The following DDA1 variants were observed in gnomAD, a reference collection of about 807,000 sequenced individuals.
DDA1 encodes the protein DET1 and DDB1 associated 1.
In DDA1, 3 loss-of-function variants were observed where a neutral mutation model predicts 18.6. That is an observed-to-expected ratio of 0.16 (90% CI 0.07 to 0.42). DDA1 has a LOEUF of 0.42. Among genes scored for constraint, DDA1 ranks in the 10% least tolerant of loss-of-function variants. The probability of loss-of-function intolerance (pLI) is 0.99; values close to 1 mark genes in which losing one functional copy is unlikely to be tolerated. For synonymous variants in DDA1, 52 were observed against 54.0 expected (o/e 0.96, Z 0.17); for missense variants, 105 against 138.2 (o/e 0.76, Z 1.20).
rs920060183 is a variant in DDA1 at position 17,318,665 on chromosome 19, C to T, written c.199-881C>T. 6.6e-4 allele frequency among the ~76,000 whole-genome samples: 100 copies of T among 151,332 alleles called. 1 individual carries two copies. The highest frequency in any genetic ancestry group is 1.8e-4 in the Non-Finnish European group (12 of 67,840). On this transcript the variant is annotated intron_variant, in intron 4 of 4. Coordinates refer to ENST00000359866, the MANE Select transcript of DDA1 (RefSeq NM_024050.6). ...TACAGGTGTGAGCCACCGCGCCTGGCCTTCTTTTTTTTTTTGGAGACGGAG... is the reference window on the plus strand; with the variant it reads ...TACAGGTGTGAGCCACCGCGCCTGGTCTTCTTTTTTTTTTTGGAGACGGAG...
In DDA1 at chr19:17,309,600, G is replaced by T. The variant is rs1040379604; in HGVS notation, c.-55G>T. ...GGCGGCGGCTAAGAAGGCGGCTCTG[G>T]TGGCGGCGGTGGAGGCTGAGGCGGC... On this transcript the variant is annotated 5_prime_UTR_variant, in exon 1 of 5. Coordinates refer to ENST00000359866, the MANE Select transcript of DDA1 (RefSeq NM_024050.6). 2 of 1,595,508 alleles carry T rather than the reference G, an allele frequency of 1.3e-6. No homozygotes were observed. The highest frequency in any genetic ancestry group is 2.2e-5 in the South Asian group (2 of 90,464).
intron 4 of DDA1, among the ~76,000 whole-genome samples, chr19:17,319,326 A>T (rs2145678471): frequency 6.6e-6 from 1 of 152,314 alleles, no homozygotes; most frequent in East Asian, 1.9e-4. Flanking sequence ...GGCTGGCATT[A>T]TGACTCTGGG....
chr19:17,316,071 A>C, intron 4 of DDA1, 76 bp downstream of exon 4: 4 of 1,511,162 alleles, frequency 2.6e-6, no homozygotes, highest in Non-Finnish European at 3.7e-6. Context: ...TTCTGAGCAC[A>C]GGAAGGACTC....
chr19:17,312,369 C>T (rs930793300), intron 1 of DDA1, among the ~76,000 whole-genome samples: 4 of 152,018 alleles, frequency 2.6e-5, no homozygotes, highest in African/African-American at 7.3e-5. Context: ...GAGAGGCTCC[C>T]GAAGTGTCGG....
chr19:17,315,352 A>ACG (rs2074206083), intron 3 of DDA1, among the ~76,000 whole-genome samples: 1 of 61,106 alleles, frequency 1.6e-5, no homozygotes, highest in Non-Finnish European at 4.0e-5. Flanking sequence ...TATACACGCT[A>ACG]TATATATACG....
chr19:17,319,025 T>C (rs2145678300), intron 4 of DDA1, among the ~76,000 whole-genome samples: 1 of 152,222 alleles, frequency 6.6e-6, no homozygotes, highest in East Asian at 1.9e-4. Flanking sequence ...GCTTCTGTCT[T>C]GCGTTGATGT....
intron 4 of DDA1, among the ~76,000 whole-genome samples, chr19:17,317,688 A>AC (rs11389581): frequency 4.8e-5 from 7 of 144,422 alleles, no homozygotes; most frequent in Non-Finnish European, 9.2e-5. Context: ...AAAAAAAAAA[A>AC]CAAATTAGCT....
At position 17,315,393 on chromosome 19, in the gene DDA1, A is replaced by G. The variant is rs545986651; in HGVS notation, c.137-541A>G. On this transcript the variant is annotated intron_variant, in intron 3 of 4. Transcript: ENST00000359866. ...TATATACACACGTATATATATACAC[A>G]CTATATATATACATACGTGTGTGTG... is the stretch of plus-strand genomic sequence containing the variant. Among the ~76,000 whole-genome samples, 58 of 94,136 alleles carry G rather than the reference A, an allele frequency of 6.2e-4. 1 individual carries two copies. The highest frequency in any genetic ancestry group is 1.4e-3 in the African/African-American group (34 of 25,024). The allele number at this position is 94,136 out of a possible 152,430, so 61.8% of individuals were successfully genotyped here.
intron 4 of DDA1, among the ~76,000 whole-genome samples, chr19:17,317,382 C>A (rs1044387586): frequency 6.6e-6 from 1 of 151,178 alleles, no homozygotes; most frequent in Non-Finnish European, 1.5e-5. Context: ...CTGGGTGTGG[C>A]GGCGGGTGCC....
At position 17,314,299 on chromosome 19, in the gene DDA1, TGCAC is replaced by T; in HGVS notation, c.85-38_85-35del. On this transcript the variant is annotated intron_variant, in intron 2 of 4. Transcript: ENST00000359866. The surrounding 1 kb of genome is among the most constrained non-coding windows in gnomAD (Gnocchi z 4.6). ...GAGGGATGAGGAGACCCCAGGCCCA[TGCAC>T]TCTCCTAACCCACCCCTTCTCAACC... The T allele has an allele frequency of 6.2e-7, 1 of 1,613,772 alleles. No individual in the cohort carries two copies. The highest frequency in any genetic ancestry group is 2.2e-5 in the East Asian group (1 of 44,880).
chr19:17,318,742 T>C (rs551465181), intron 4 of DDA1, among the ~76,000 whole-genome samples: 11 of 150,276 alleles, frequency 7.3e-5, no homozygotes, highest in Middle Eastern at 3.5e-3. Context: ...CTCAGCTCAC[T>C]GCAACCTCCG....
In DDA1 at chr19:17,315,876, CA is replaced by C. The variant is rs2074210516; in HGVS notation, c.137-57del. On this transcript the variant is annotated intron_variant, in intron 3 of 4. Transcript: ENST00000359866. ...CCAAAAAGACCTCCCAGGGCAGTGTCAGGGGAGGAGCCTGGGGAGGGGAGGC... is the reference window on the plus strand; with the variant it reads ...CCAAAAAGACCTCCCAGGGCAGTGTCGGGGAGGAGCCTGGGGAGGGGAGGC... 7 of 1,545,406 alleles carry C rather than the reference CA, an allele frequency of 4.5e-6. No homozygotes were observed. In the South Asian group the frequency reaches 6.7e-5, roughly 15 times the overall value.
In DDA1 at chr19:17,309,577, CGGCGGCTAAGAA is replaced by C; in HGVS notation, c.-70_-59del. On this transcript the variant is annotated 5_prime_UTR_variant, in exon 1 of 5. Transcript: ENST00000359866. Reference sequence around the variant, plus strand: ...GCCGTGGCTGGAAGTTACTGTGAGGCGGCGGCTAAGAAGGCGGCTCTGGTGGCGGCGGTGGAG... The same window carrying C: ...GCCGTGGCTGGAAGTTACTGTGAGGCGGCGGCTCTGGTGGCGGCGGTGGAG... 6.9e-7 allele frequency: 1 copy of C among 1,449,346 alleles called. No individual in the cohort carries two copies. The highest frequency in any genetic ancestry group is 9.7e-7 in the Non-Finnish European group (1 of 1,034,000). The allele number at this position is 1,449,346 out of a possible 1,614,324, so 89.8% of individuals were successfully genotyped here. A position where few individuals can be genotyped will look rare whatever the true frequency, so the allele number is the denominator to read the frequency against.
At chr19:17,317,668 TAAAAA>T (rs34303101) in intron 4 of DDA1, among the ~76,000 whole-genome samples, 1 of 97,754 alleles carries the variant, frequency 1.0e-5, no homozygotes, top group Non-Finnish European at 2.0e-5. Context: ...ACTCCATCAC[TAAAAA>T]AAAAAAAAAA....
At chr19:17,316,165 C>T (rs964854157) in intron 4 of DDA1, among the ~76,000 whole-genome samples, 170 bp downstream of exon 4, 10 of 152,112 alleles carry the variant, frequency 6.6e-5, no homozygotes, top group Admixed American at 1.3e-4. Flanking sequence ...GTGGAGGGAA[C>T]CGCTGTGCAG....
In DDA1 at chr19:17,315,430, A is replaced by ATGTGTGTGTG. The variant is rs1568354219; in HGVS notation, c.137-503_137-502insGTGTGTGTGT. Among the ~76,000 whole-genome samples, 183 of 40,848 alleles carry ATGTGTGTGTG rather than the reference A, an allele frequency of 4.5e-3. 1 individual carries two copies. The highest frequency in any genetic ancestry group is 4.8e-3 in the Non-Finnish European group (120 of 24,754). 26.8% of individuals were successfully genotyped at this position (40,848 alleles called of 152,430 possible). A position where few individuals can be genotyped will look rare whatever the true frequency, so the allele number is the denominator to read the frequency against. ...CATACGTGTGTGTGTGTGTGTGTGCATATATATATATATATATATATATAT... is the reference window on the plus strand; with the variant it reads ...CATACGTGTGTGTGTGTGTGTGTGCATGTGTGTGTGTATATATATATATATATATATATAT... On this transcript the variant is annotated intron_variant, in intron 3 of 4. Coordinates refer to ENST00000359866, the MANE Select transcript of DDA1 (RefSeq NM_024050.6).
chr19:17,316,382 C>T (rs543353759), intron 4 of DDA1, among the ~76,000 whole-genome samples: 1 of 151,762 alleles, frequency 6.6e-6, no homozygotes, highest in Admixed American at 6.6e-5. Context: ...GAGATCGAGA[C>T]CATCGTGGCC....
chr19:17,318,359 G>A (rs1200882790), intron 4 of DDA1, among the ~76,000 whole-genome samples: 3 of 152,174 alleles, frequency 2.0e-5, no homozygotes, highest in Non-Finnish European at 4.4e-5. Flanking sequence ...AGCCTCCCGA[G>A]TAGCTGGGAT....
At chr19:17,313,689 C>T (rs543890846) in intron 1 of DDA1, among the ~76,000 whole-genome samples, 95 of 152,232 alleles carry the variant, frequency 6.2e-4, no homozygotes, top group South Asian at 2.3e-3. Context: ...ATGATGCGCC[C>T]GCCTCGGCCT....
Sources: allele counts gnomAD v4.1 joint callset (sites outside exome capture counted in the v4.1 genomes callset), GRCh38; gene constraint gnomAD v4.1.1; non-coding constraint Gnocchi (gnomAD v3.1); transcripts MANE v1.5; gene names NCBI Gene and HGNC (gene_info 2026-07-23, HGNC 2026-07-21).